CNTNAP4: variants seen among roughly 807,000 people sequenced by gnomAD.
CNTNAP4 encodes contactin-associated protein-like 4.
A neutral mutation model predicts 148.4 loss-of-function variants in CNTNAP4; 98 were observed. The observed-to-expected ratio is 0.66, with a 90% CI of 0.56 to 0.78. The LOEUF (loss-of-function observed/expected upper bound fraction) is 0.78, where lower values mean the gene tolerates loss of function less well. Ranked by LOEUF, CNTNAP4 falls within the 30% of genes least tolerant of loss-of-function variation. The pLI is 0.00. For missense variants in CNTNAP4, 1,935 were observed against 1,565.6 expected (o/e 1.24, Z -3.98); for synonymous variants, 730 against 565.1 (o/e 1.29, Z -4.14).
At chr16:76,536,797 A>G (rs1464865005) in intron 18 of CNTNAP4, among the ~76,000 whole-genome samples, 3 of 152,220 alleles carry the variant, frequency 2.0e-5, no homozygotes, top group Non-Finnish European at 4.4e-5. Flanking sequence ...ACAGACTTCC[A>G]TGAATATACA....
At chr16:76,497,953 C>G (rs182678879) in intron 14 of CNTNAP4, among the ~76,000 whole-genome samples, 1 of 152,252 alleles carries the variant, frequency 6.6e-6, no homozygotes, top group African/African-American at 2.4e-5. Flanking sequence ...AATCATTACA[C>G]TAAATGTTAA....
intron 1 of CNTNAP4, among the ~76,000 whole-genome samples, chr16:76,310,878 C>T (rs1961026862): frequency 6.6e-6 from 1 of 152,052 alleles, no homozygotes; most frequent in Non-Finnish European, 1.5e-5. Context: ...GATCTGGCAC[C>T]AGATTGCCTG....
At chr16:76,377,320 A>C (rs2144673359) in intron 3 of CNTNAP4, among the ~76,000 whole-genome samples, 1 of 152,332 alleles carries the variant, frequency 6.6e-6, no homozygotes, top group African/African-American at 2.4e-5. Flanking sequence ...ATGGTAGCCT[A>C]GTCAAGGTGA....
At chr16:76,449,879 A>G in intron 7 of CNTNAP4, 21 bp downstream of exon 7, 1 of 1,574,994 alleles carries the variant, frequency 6.3e-7, no homozygotes, top group South Asian at 1.2e-5. Flanking sequence ...TTATGCGAAG[A>G]CATTAGTAAA....
At position 76,467,450 on chromosome 16, in the gene CNTNAP4, C is replaced by G. The variant is rs147777855; in HGVS notation, c.1582C>G (p.Leu528Val). 2.5e-6 allele frequency: 4 copies of G among 1,613,694 alleles called. No homozygotes were observed. Among genetic ancestry groups the G allele is most frequent in the Admixed American group, 3.3e-5 (2 of 59,988 alleles). ...LISISGKVVD[L>V]ISVQQGSLGN... ...TTCTATCAGCGGCAAAGTGGTAGAT[C>G]TGATTTCAGTTCAGCAGGGGTCCCT... The change falls in exon 10 of 24, where the codon CTG (leucine) becomes GTG (valine). Residue 528 changes from leucine to valine, a missense_variant. Coordinates refer to ENST00000611870, the MANE Select transcript of CNTNAP4 (RefSeq NM_033401.5).
At chr16:76,435,333 T>C (rs1226499679) in intron 4 of CNTNAP4, among the ~76,000 whole-genome samples, 1 of 152,178 alleles carries the variant, frequency 6.6e-6, no homozygotes, top group Non-Finnish European at 1.5e-5. Flanking sequence ...TGTGATTAAT[T>C]AGCCAATGCC....
At chr16:76,470,990 T>G (rs997144836) in intron 10 of CNTNAP4, among the ~76,000 whole-genome samples, 2 of 152,060 alleles carry the variant, frequency 1.3e-5, no homozygotes, top group Non-Finnish European at 2.9e-5. Flanking sequence ...TAATCCTTAC[T>G]CATGCACACT....
intron 23 of CNTNAP4, among the ~76,000 whole-genome samples, chr16:76,555,372 A>T (rs942917509): frequency 6.6e-6 from 1 of 152,198 alleles, no homozygotes; most frequent in Non-Finnish European, 1.5e-5. Flanking sequence ...AAAACAAACA[A>T]AAAAACTCTA....
In CNTNAP4 at chr16:76,522,124, C is replaced by T. The variant is rs1477163390; in HGVS notation, c.2622C>T (p.Asn874=). 1 of 1,613,952 alleles carries T rather than the reference C, an allele frequency of 6.2e-7. No homozygotes were observed. Among genetic ancestry groups the T allele is most frequent in the Admixed American group, 1.7e-5 (1 of 60,004 alleles). Reference sequence around the variant, plus strand: ...AGTCACCCACCCACTTCAACGACAACCAGTGGCACCATGTGAGGGTTGAAA... The same window carrying T: ...AGTCACCCACCCACTTCAACGACAATCAGTGGCACCATGTGAGGGTTGAAA... ...SVQSPTHFND[N]QWHHVRVERN... Residue 874 remains asparagine (N), a synonymous_variant, in exon 17 of 24, where the codon AAC becomes AAT. Coordinates refer to ENST00000611870, the MANE Select transcript of CNTNAP4 (RefSeq NM_033401.5).
intron 2 of CNTNAP4, among the ~76,000 whole-genome samples, chr16:76,353,825 C>CA (rs1265265732): frequency 1.3e-5 from 2 of 152,162 alleles, no homozygotes; most frequent in Non-Finnish European, 2.9e-5. Flanking sequence ...GTTCCACCAT[C>CA]AAAATAATCT....
At chr16:76,327,148 G>A (rs553773491) in intron 2 of CNTNAP4, among the ~76,000 whole-genome samples, 51 of 152,022 alleles carry the variant, frequency 3.4e-4, no homozygotes, top group Non-Finnish European at 6.0e-4. Flanking sequence ...GACTGAATTC[G>A]TCACCCAGGT....
intron 23 of CNTNAP4, chr16:76,558,173 G>C (rs1568643862): frequency 5.0e-6 from 1 of 201,910 alleles, no homozygotes; most frequent in Admixed American, 6.0e-5. Flanking sequence ...CTAATATGAA[G>C]TGGCCACATG....
At chr16:76,513,244 C>A (rs555954240) in intron 15 of CNTNAP4, among the ~76,000 whole-genome samples, 1 of 152,124 alleles carries the variant, frequency 6.6e-6, no homozygotes, top group East Asian at 1.9e-4. Flanking sequence ...GAGGAGGTCA[C>A]TTCTGTCTTC....
chr16:76,470,738 T>TA (rs138690592), intron 10 of CNTNAP4, among the ~76,000 whole-genome samples: 29,995 of 150,838 alleles, frequency 0.2, 3,941 homozygotes, highest in Non-Finnish European at 0.29. Flanking sequence ...TGCAGGTTTT[T>TA]AAAAAAAAAC....
rs2084289357 is a variant in CNTNAP4, at chr16:76,538,100, A to G, written c.2996-16A>G. On this transcript the variant is annotated splice_polypyrimidine_tract_variant and intron_variant, in intron 18 of 23. Transcript: ENST00000611870. The stretch of plus-strand genomic sequence containing the variant: ...CTTAAAATTTTTAACAAAAATATAT[A>G]TATATATTATTTCAGAGATTTCTGC... The G allele has an allele frequency of 2.6e-6, 3 of 1,157,420 alleles. No homozygotes were observed. The highest frequency in any genetic ancestry group is 3.5e-6 in the Non-Finnish European group (3 of 859,990). 71.7% of individuals were successfully genotyped at this position (1,157,420 alleles called of 1,614,324 possible). A position where few individuals can be genotyped will look rare whatever the true frequency, so the allele number is the denominator to read the frequency against.
intron 3 of CNTNAP4, among the ~76,000 whole-genome samples, chr16:76,410,721 T>C (rs2078762730): frequency 1.3e-5 from 2 of 151,716 alleles, no homozygotes; most frequent in Admixed American, 1.3e-4. Flanking sequence ...TTGTACAGAA[T>C]CTGAAGGTCA....
At chr16:76,349,826 G>A (rs1274579420) in intron 2 of CNTNAP4, among the ~76,000 whole-genome samples, 2 of 152,036 alleles carry the variant, frequency 1.3e-5, no homozygotes, top group African/African-American at 4.8e-5. Flanking sequence ...AGGAAGAAAT[G>A]TAATTCCTTC....
In CNTNAP4 at chr16:76,309,006, ATC is replaced by A. The variant is rs1960800242; in HGVS notation, c.86-7405_86-7404del. Among the ~76,000 whole-genome samples the A allele has an allele frequency of 2.0e-5, 3 of 150,614 alleles. No homozygotes were observed. The South Asian group carries it at 6.3e-4, about 32-fold the overall frequency. On this transcript the variant is annotated intron_variant, in intron 1 of 23. Transcript: ENST00000611870. ...TTTTTTTAAAGAGATGGGGCTTGACATCTTGCTTAGGCTGATCTTGAACTCCT... is the reference window on the plus strand; with the variant it reads ...TTTTTTTAAAGAGATGGGGCTTGACATTGCTTAGGCTGATCTTGAACTCCT...
chr16:76,558,402 A>G, intron 23 of CNTNAP4, 88 bp from the exon 24 acceptor site: 1 of 695,206 alleles, frequency 1.4e-6, no homozygotes, highest in Non-Finnish European at 2.4e-6. Flanking sequence ...AGTGGAAAAT[A>G]GTGTTATGAT....
Sources: gnomAD v4.1 joint callset for allele counts (sites outside exome capture counted in the v4.1 genomes callset) on GRCh38, gnomAD v4.1.1 for gene constraint, MANE v1.5 for transcripts, NCBI Gene and HGNC (gene_info 2026-07-23, HGNC 2026-07-21) for gene names.